The following NTRK2 variants were observed in gnomAD, a reference collection of about 807,000 sequenced individuals.
NTRK2 encodes BDNF/NT-3 growth factors receptor.
In NTRK2, 13 loss-of-function variants were observed where a neutral mutation model predicts 94.5. The ratio of observed to expected loss-of-function variants is 0.14; its 90% CI spans 0.09 to 0.22. The LOEUF (loss-of-function observed/expected upper bound fraction) is 0.22. Among genes scored for constraint, NTRK2 ranks in the 10% least tolerant of loss-of-function variants. The pLI is 1.00. For synonymous variants in NTRK2, 372 were observed against 407.4 expected (o/e 0.91, Z 1.05); for missense variants, 639 against 1,071.2 (o/e 0.60, Z 5.63).
In NTRK2 at chr9:85,025,410, G is replaced by T. The variant is rs1564565539; in HGVS notation, c.*3973G>T. ...AAATTGGAATGTTGGCAGCCCAGTG[G>T]CTTGAAGGCCAATGATGAGCAGTCC... On this transcript the variant is annotated 3_prime_UTR_variant, in exon 19 of 19. Transcript: ENST00000277120. 4.3e-6 allele frequency: 1 copy of T among 233,106 alleles called. No homozygotes were observed. The highest frequency in any genetic ancestry group is 8.5e-6 in the Non-Finnish European group (1 of 118,022). 14.4% of individuals were successfully genotyped at this position (233,106 alleles called of 1,614,324 possible). A position where few individuals can be genotyped will look rare whatever the true frequency, so the allele number is the denominator to read the frequency against.
chr9:84,730,075 T>C (rs1462515495), intron 9 of NTRK2, among the ~76,000 whole-genome samples: 1 of 152,224 alleles, frequency 6.6e-6, no homozygotes, highest in Non-Finnish European at 1.5e-5. Context: ...AAATACAACT[T>C]AGGCTAAATT....
intron 12 of NTRK2, among the ~76,000 whole-genome samples, chr9:84,778,878 C>T (rs556703527): frequency 7.6e-4 from 115 of 152,270 alleles, no homozygotes; most frequent in African/African-American, 2.7e-3. Flanking sequence ...TCTGCTGTGT[C>T]CTCTCCCTCC....
intron 13 of NTRK2, among the ~76,000 whole-genome samples, chr9:84,862,526 G>A (rs913472941): frequency 6.6e-6 from 1 of 152,176 alleles, no homozygotes; most frequent in African/African-American, 2.4e-5. Flanking sequence ...ACTGTTTTAG[G>A]CCACAGCAGA....
chr9:84,776,614 G>T (rs1044818972), intron 12 of NTRK2, among the ~76,000 whole-genome samples: 1 of 152,224 alleles, frequency 6.6e-6, no homozygotes, highest in African/African-American at 2.4e-5. Context: ...TTTCATAGAT[G>T]ATGGCAGAAG....
At chr9:84,830,379 G>C (rs551171248) in intron 12 of NTRK2, among the ~76,000 whole-genome samples, 1 of 152,302 alleles carries the variant, frequency 6.6e-6, no homozygotes, top group Non-Finnish European at 1.5e-5. Context: ...TAGCACCACT[G>C]GTTAGAAGTG....
At chr9:84,743,847 A>C (rs2063843461) in intron 10 of NTRK2, among the ~76,000 whole-genome samples, 1 of 152,240 alleles carries the variant, frequency 6.6e-6, no homozygotes, top group African/African-American at 2.4e-5. Context: ...AAGTTTTAAG[A>C]TATTCAAAAG....
In NTRK2 at chr9:84,670,741, T is replaced by C. The variant is rs975085738; in HGVS notation, c.-8T>C. 1 of 1,611,910 alleles carries C rather than the reference T, an allele frequency of 6.2e-7. No homozygotes were observed. Among genetic ancestry groups the C allele is most frequent in the Non-Finnish European group, 8.5e-7 (1 of 1,179,980 alleles). ...GACAGGCACTCGGGCTGGCACTGGC[T>C]GCTAGGGATGTCGTCCTGGATAAGG... is the stretch of plus-strand genomic sequence containing the variant. On this transcript the variant is annotated 5_prime_UTR_variant, in exon 2 of 19. Transcript: ENST00000277120.
At chr9:84,738,381 G>A (rs552929433) in intron 9 of NTRK2, among the ~76,000 whole-genome samples, 14 of 147,918 alleles carry the variant, frequency 9.5e-5, no homozygotes, top group Non-Finnish European at 1.6e-4. Flanking sequence ...CTCCAACAGG[G>A]CTTCCTAACT....
intron 14 of NTRK2, among the ~76,000 whole-genome samples, chr9:84,903,483 A>G (rs1445249804): frequency 3.3e-5 from 5 of 152,204 alleles, no homozygotes; most frequent in Non-Finnish European, 7.3e-5. Flanking sequence ...TGTTATGGTC[A>G]TCTCATAACT....
chr9:84,881,299 G>T (rs1300724394), intron 14 of NTRK2, among the ~76,000 whole-genome samples: 3 of 152,150 alleles, frequency 2.0e-5, no homozygotes, highest in African/African-American at 4.8e-5. Context: ...GGACAACAAG[G>T]GTAGGAATGA....
chr9:84,874,438 G>A (rs2075992193), intron 14 of NTRK2: 1 of 1,065,772 alleles, frequency 9.4e-7, no homozygotes, highest in South Asian at 4.5e-5. Context: ...AACCACCGTA[G>A]CTGGGCTTCT....
intron 16 of NTRK2, 28 bp from the exon 17 acceptor site, chr9:84,955,255 C>G (rs200696289): frequency 4.5e-5 from 70 of 1,561,456 alleles, no homozygotes; most frequent in Non-Finnish European, 5.8e-5. Flanking sequence ...CTGAGGCCCC[C>G]AGCTTCATTC....
chr9:84,773,292 G>A (rs767049766), intron 12 of NTRK2, among the ~76,000 whole-genome samples: 1 of 152,208 alleles, frequency 6.6e-6, no homozygotes, highest in African/African-American at 2.4e-5. Context: ...TATAGACCCT[G>A]AGGATGGTTA....
chr9:84,874,614 G>A (rs926894921), intron 14 of NTRK2: 9 of 1,061,264 alleles, frequency 8.5e-6, no homozygotes, highest in East Asian at 5.1e-5. Context: ...TCTAACCCAC[G>A]GCCAGGAAGG....
chr9:84,875,738 G>A, intron 14 of NTRK2: 4 of 1,052,966 alleles, frequency 3.8e-6, no homozygotes, highest in Non-Finnish European at 4.6e-6. Flanking sequence ...TTGCTGTCCA[G>A]TGATCCCCGG....
chr9:84,797,877 T>C (rs1298706567), intron 12 of NTRK2, among the ~76,000 whole-genome samples: 1 of 117,324 alleles, frequency 8.5e-6, no homozygotes, highest in Non-Finnish European at 1.6e-5. Context: ...ATATATATAA[T>C]ATAGTAATAA....
chr9:84,926,169 C>CTTT (rs2077789303), intron 14 of NTRK2, among the ~76,000 whole-genome samples: 53 of 38,532 alleles, frequency 1.4e-3, no homozygotes, highest in East Asian at 6.9e-3. Context: ...TTCCTTCCTT[C>CTTT]CTTTCTTTCT....
chr9:84,725,664 G>GTA (rs1033770688), intron 8 of NTRK2, among the ~76,000 whole-genome samples: 23 of 147,734 alleles, frequency 1.6e-4, no homozygotes, highest in Admixed American at 2.7e-4. Context: ...TATATATTAT[G>GTA]TATATATATA....
At chr9:84,889,622 A>C (rs2076536753) in intron 14 of NTRK2, among the ~76,000 whole-genome samples, 1 of 152,132 alleles carries the variant, frequency 6.6e-6, no homozygotes, top group Admixed American at 6.5e-5. Flanking sequence ...CCTGTTGGCC[A>C]GGCTGGTCTA....
Sources: allele counts gnomAD v4.1 joint callset (sites outside exome capture counted in the v4.1 genomes callset), GRCh38; gene constraint gnomAD v4.1.1; transcripts MANE v1.5; gene names NCBI Gene and HGNC (gene_info 2026-07-23, HGNC 2026-07-21).